The following DOCK9 variants were observed in gnomAD, a reference collection of about 807,000 sequenced individuals.
DOCK9 encodes dedicator of cytokinesis 9, also known as dedicator of cytokinesis protein 9.
A neutral mutation model predicts 263.3 loss-of-function variants in DOCK9; 89 were observed. The observed-to-expected ratio is 0.34, with a 90% CI of 0.28 to 0.40. DOCK9 has a LOEUF of 0.40. DOCK9 is among the 10% of genes least tolerant of loss of function. The probability of loss-of-function intolerance (pLI) is 1.00; values close to 1 mark genes in which losing one functional copy is unlikely to be tolerated. For missense variants in DOCK9, 2,140 were observed against 2,603.4 expected, an observed-to-expected ratio of 0.82 and a Z score of 3.87; for synonymous variants, 976 against 973.1, an observed-to-expected ratio of 1.00 and a Z score of -0.06.
intron 3 of DOCK9, among the ~76,000 whole-genome samples, chr13:98,927,699 C>T (rs866646014): frequency 4.8e-4 from 73 of 152,058 alleles, no homozygotes; most frequent in African/African-American, 1.7e-3. Flanking sequence ...TGGCTCACTG[C>T]AACCTCTGCC....
intron 9 of DOCK9, among the ~76,000 whole-genome samples, chr13:98,907,454 G>A (rs779775330): frequency 5.3e-5 from 8 of 151,932 alleles, no homozygotes; most frequent in South Asian, 2.1e-4. Flanking sequence ...TAATGAGCTC[G>A]GTATAATTAA....
rs1197924973 is a variant in DOCK9, at chr13:99,038,287, CCTTTTTTTTTT to C, written c.129+47925_129+47935del. ...AGCTGAAAAACTGGCTTTATGCCCC[CCTTTTTTTTTT>C]TTTTTTTTTTTTTTTTTTTTTTGGA... On this transcript the variant is annotated intron_variant, in intron 1 of 32. Coordinates refer to the DOCK9 transcript ENST00000427887. Among the ~76,000 whole-genome samples, 7 of 48,834 alleles carry C rather than the reference CCTTTTTTTTTT, an allele frequency of 1.4e-4. 1 individual carries two copies. The highest frequency in any genetic ancestry group is 2.3e-3 in the South Asian group (2 of 886). 32.0% of individuals were successfully genotyped at this position (48,834 alleles called of 152,430 possible). A position where few individuals can be genotyped will look rare whatever the true frequency, so the allele number is the denominator to read the frequency against.
chr13:98,870,218 G>A (rs1308267842), intron 27 of DOCK9, among the ~76,000 whole-genome samples: 2 of 152,160 alleles, frequency 1.3e-5, no homozygotes, highest in Non-Finnish European at 2.9e-5. Context: ...TGAAATACCA[G>A]CTTTATAACA....
chr13:98,975,149 C>T (rs1206498759), intron 1 of DOCK9, among the ~76,000 whole-genome samples: 6 of 152,122 alleles, frequency 3.9e-5, no homozygotes, highest in Admixed American at 3.3e-4. Flanking sequence ...GAAGCCGAGG[C>T]GGGCGGATCT....
chr13:98,953,434 C>T (rs2057675172), intron 2 of DOCK9, among the ~76,000 whole-genome samples: 1 of 152,206 alleles, frequency 6.6e-6, no homozygotes, highest in South Asian at 2.1e-4. Flanking sequence ...CTTAAACATC[C>T]AGATACCTGT....
At chr13:98,955,383 C>T in intron 2 of DOCK9, 52 bp downstream of exon 2, 2 of 1,223,276 alleles carry the variant, frequency 1.6e-6, no homozygotes, top group Non-Finnish European at 2.3e-6. Flanking sequence ...AAAAATACTG[C>T]TTGTTAAGAT....
chr13:98,990,118 G>A (rs1422422340), intron 1 of DOCK9, among the ~76,000 whole-genome samples: 1 of 152,196 alleles, frequency 6.6e-6, no homozygotes, highest in African/African-American at 2.4e-5. Flanking sequence ...TCAAATGTGT[G>A]ACCATCATAG....
At chr13:98,991,240 T>G (rs986511109) in intron 1 of DOCK9, among the ~76,000 whole-genome samples, 3 of 152,052 alleles carry the variant, frequency 2.0e-5, no homozygotes, top group Admixed American at 2.0e-4. Context: ...CCCGGCTGAT[T>G]TTCGTATTTT....
intron 1 of DOCK9, among the ~76,000 whole-genome samples, chr13:99,013,766 C>A (rs142783054): frequency 6.6e-6 from 1 of 152,230 alleles, no homozygotes; most frequent in South Asian, 2.1e-4. Flanking sequence ...GTGCTGGAGA[C>A]GGGGCTGGAG....
intron 27 of DOCK9, among the ~76,000 whole-genome samples, chr13:98,878,559 G>A (rs774737205): frequency 5.3e-5 from 8 of 152,166 alleles, no homozygotes; most frequent in Non-Finnish European, 8.8e-5. Context: ...GCATGTGCAC[G>A]CACACTTAGC....
chr13:99,005,541 T>C (rs1883185438), intron 1 of DOCK9, among the ~76,000 whole-genome samples: 1 of 152,032 alleles, frequency 6.6e-6, no homozygotes, highest in Non-Finnish European at 1.5e-5. Context: ...TAAAAGAACA[T>C]AAAATATAAT....
chr13:98,833,416 T>C (rs939244979), intron 39 of DOCK9, among the ~76,000 whole-genome samples: 1 of 152,114 alleles, frequency 6.6e-6, no homozygotes, highest in African/African-American at 2.4e-5. Flanking sequence ...GGAGATACGG[T>C]TTCTACAAAA....
intron 1 of DOCK9, among the ~76,000 whole-genome samples, chr13:98,989,352 A>C (rs138095478): frequency 8.8e-6 from 1 of 113,868 alleles, no homozygotes; most frequent in Non-Finnish European, 1.9e-5. Flanking sequence ...TGATGATAAT[A>C]ATAATAATAA....
intron 2 of DOCK9, among the ~76,000 whole-genome samples, chr13:98,954,897 C>CACACACACACACACACAT (rs1267820966): frequency 6.7e-6 from 1 of 149,934 alleles, no homozygotes; most frequent in East Asian, 2.0e-4. Flanking sequence ...CACACACACA[C>CACACACACACACACACAT]ATTTTGGCAT....
chr13:98,828,163 C>G (rs1385313231), intron 43 of DOCK9, among the ~76,000 whole-genome samples: 1 of 152,194 alleles, frequency 6.6e-6, no homozygotes, highest in Non-Finnish European at 1.5e-5. Flanking sequence ...ACCAGTTCTC[C>G]CCAAGGACAT....
At chr13:99,019,534 A>G (rs1329712250) in intron 1 of DOCK9, among the ~76,000 whole-genome samples, 1 of 152,034 alleles carries the variant, frequency 6.6e-6, no homozygotes, top group African/African-American at 2.4e-5. Context: ...CAAACCCTTC[A>G]ATGGGAACCC....
chr13:98,854,746 C>A (rs2093661632), intron 34 of DOCK9: 1 of 152,212 alleles, frequency 6.6e-6, no homozygotes, highest in African/African-American at 2.4e-5. Context: ...TCCCTCTATA[C>A]ATGAAGGCAT....
At chr13:98,901,922 T>A in intron 12 of DOCK9, 22 bp from the exon 13 acceptor site, 1 of 1,608,282 alleles carries the variant, frequency 6.2e-7, no homozygotes. Flanking sequence ...ACAATTTTCT[T>A]CAGTAAGCAG....
intron 1 of DOCK9, among the ~76,000 whole-genome samples, chr13:99,048,625 T>C (rs1489779603): frequency 6.6e-6 from 1 of 152,192 alleles, no homozygotes; most frequent in East Asian, 1.9e-4. Flanking sequence ...AACTGTAACA[T>C]ACAGATTTCT....
Sources: allele counts gnomAD v4.1 joint callset (sites outside exome capture counted in the v4.1 genomes callset), GRCh38; gene constraint gnomAD v4.1.1; transcripts MANE v1.5; gene names NCBI Gene and HGNC (gene_info 2026-07-23, HGNC 2026-07-21).